Variants in CCDC3 observed in about 807,000 individuals in gnomAD.
CCDC3 encodes the protein coiled-coil domain containing 3.
Under a neutral mutation model 21.4 loss-of-function variants are expected in CCDC3, and 24 were observed. That is an observed-to-expected ratio of 1.12 (90% confidence interval 0.81 to 1.58). CCDC3 has a LOEUF of 1.58. Among genes scored for constraint, CCDC3 ranks in the 40% most tolerant of loss-of-function variants. The pLI, the probability that CCDC3 is intolerant of heterozygous loss-of-function variation, is 0.00. For synonymous variants in CCDC3, 186 were observed against 166.0 expected (o/e 1.12, Z -0.93); for missense variants, 425 against 360.9 (o/e 1.18, Z -1.44).
intron 5 of CCDC3, among the ~76,000 whole-genome samples, chr10:13,009,318 C>T (rs1835959368): frequency 6.6e-6 from 1 of 151,984 alleles, no homozygotes. Context: ...TTGGGAGACT[C>T]AATATTGTTA....
At chr10:12,984,073 C>G (rs968674249) in intron 2 of CCDC3, among the ~76,000 whole-genome samples, 4 of 152,086 alleles carry the variant, frequency 2.6e-5, no homozygotes, top group African/African-American at 9.7e-5. Flanking sequence ...GAGCAAGACT[C>G]TCTCAAAAAA....
Position 13,026,985 on chromosome 10 carries a change from C to T in CCDC3, c.-2+22689G>A, listed in dbSNP as rs143235028. ...AATTTCCTTTCCTTTCACATATCTT[C>T]ATAAGCAATTAAGCAAAGGATACCC... On this transcript the variant is annotated intron_variant, in intron 5 of 6. Transcript: ENST00000378839. Among the ~76,000 whole-genome samples the T allele has an allele frequency of 6.3e-3, 952 of 152,298 alleles. 32 individuals are homozygous for T. Among genetic ancestry groups the T allele is most frequent in the Admixed American group, 0.056 (860 of 15,294 alleles).
intron 5 of CCDC3, among the ~76,000 whole-genome samples, chr10:13,030,642 G>A (rs1836287525): frequency 6.6e-6 from 1 of 152,030 alleles, no homozygotes; most frequent in Non-Finnish European, 1.5e-5. Context: ...AAGGGATGGA[G>A]GAAGATCTAC....
intron 5 of CCDC3, among the ~76,000 whole-genome samples, chr10:13,044,463 T>C (rs1441166796): frequency 2.6e-5 from 4 of 152,228 alleles, no homozygotes; most frequent in Non-Finnish European, 4.4e-5. Context: ...GGTTTTCTTC[T>C]AGGACTTTTC....
intron 2 of CCDC3, among the ~76,000 whole-genome samples, chr10:12,909,282 C>T (rs1834227002): frequency 6.6e-6 from 1 of 152,210 alleles, no homozygotes; most frequent in Non-Finnish European, 1.5e-5. Flanking sequence ...TGGCCACTGA[C>T]CATCGGCCCT....
chr10:12,942,785 A>T (rs917039118), intron 2 of CCDC3, among the ~76,000 whole-genome samples: 5 of 152,134 alleles, frequency 3.3e-5, no homozygotes, highest in African/African-American at 9.7e-5. Context: ...TCACCACAGA[A>T]TCAGATGACC....
intron 5 of CCDC3, among the ~76,000 whole-genome samples, chr10:13,012,307 T>C (rs758084173): frequency 9.2e-5 from 14 of 152,138 alleles, no homozygotes; most frequent in Non-Finnish European, 2.1e-4. Flanking sequence ...AATAAAGGTC[T>C]AATATCCAGA....
intron 2 of CCDC3, among the ~76,000 whole-genome samples, chr10:12,930,825 T>C (rs1834627485): frequency 6.6e-6 from 1 of 152,082 alleles, no homozygotes; most frequent in East Asian, 1.9e-4. Flanking sequence ...AGAAGCCCCA[T>C]TCTAGGGTAC....
At chr10:12,989,710 C>A (rs1409458175) in intron 2 of CCDC3, among the ~76,000 whole-genome samples, 3 of 152,190 alleles carry the variant, frequency 2.0e-5, no homozygotes, top group Non-Finnish European at 4.4e-5. Context: ...GCGTGAGCCA[C>A]TGCACCTGGC....
At chr10:12,951,283 G>A (rs1835004382) in intron 2 of CCDC3, among the ~76,000 whole-genome samples, 1 of 152,140 alleles carries the variant, frequency 6.6e-6, no homozygotes, top group African/African-American at 2.4e-5. Context: ...GGCTGAAGCA[G>A]TAGGCCAAGC....
rs3029972 is a variant in CCDC3 at position 13,055,498 on chromosome 10, T to TAAA, written c.-269-5560_-269-5558dup. 4.6e-4 allele frequency among the ~76,000 whole-genome samples: 68 copies of TAAA among 149,376 alleles called. 1 individual carries two copies. Among genetic ancestry groups the TAAA allele is most frequent in the Admixed American group, 9.3e-4 (14 of 15,050 alleles). ...GCATGCACCACCATACCTGGTTAAT[T>TAAA]AAAAAAAAAATTGTAGAGACAGGGC... On this transcript the variant is annotated intron_variant, in intron 4 of 6. Transcript: ENST00000378839.
upstream of CCDC3, among the ~76,000 whole-genome samples, chr10:13,003,890 T>C (rs903587419): frequency 3.9e-5 from 6 of 152,202 alleles, no homozygotes; most frequent in Admixed American, 1.3e-4. Flanking sequence ...CAAGAAATCG[T>C]CCTCATGGAT....
rs149206812 is a variant in CCDC3 at position 13,076,082 on chromosome 10, C to A, written c.-502-1982G>T. Among the ~76,000 whole-genome samples, 625 of 151,740 alleles carry A rather than the reference C, an allele frequency of 4.1e-3. 6 individuals carry two copies. The highest frequency in any genetic ancestry group is 0.015 in the African/African-American group (610 of 41,382). On this transcript the variant is annotated intron_variant, in intron 3 of 6. Coordinates refer to the CCDC3 transcript ENST00000378839. ...ATCTTAAAACAAGCAAACAAAAAAA[C>A]CTAAAATAATAGGGAAGCAGGTATC...
chr10:12,912,264 T>C (rs1011873093), intron 2 of CCDC3, among the ~76,000 whole-genome samples: 2 of 152,198 alleles, frequency 1.3e-5, no homozygotes, highest in Admixed American at 1.3e-4. Flanking sequence ...AAGGGTTCCC[T>C]TTACTCCACA....
At chr10:12,965,420 T>C (rs915577113) in intron 2 of CCDC3, among the ~76,000 whole-genome samples, 85 of 152,186 alleles carry the variant, frequency 5.6e-4, no homozygotes, top group Admixed American at 1.3e-4. Context: ...TTATAAATTA[T>C]ATGTACTTAT....
chr10:12,900,865 G>A (rs1384051271), intron 2 of CCDC3, among the ~76,000 whole-genome samples: 3 of 152,064 alleles, frequency 2.0e-5, no homozygotes, highest in Non-Finnish European at 4.4e-5. Flanking sequence ...CAGAGTAGTG[G>A]ACTCTGGTCT....
rs1834007807 is a variant in CCDC3 at position 12,896,741 on chromosome 10, T to G, written c.*1675A>C. On this transcript the variant is annotated 3_prime_UTR_variant, in exon 3 of 3. Transcript: ENST00000378825. ...TGTACATTACCCTTAGGCTGACCAT[T>G]CCCTTGCGGGGGCGCAAAACTGCTT... is the stretch of plus-strand genomic sequence containing the variant. 1 of 152,750 alleles carries G rather than the reference T, an allele frequency of 6.5e-6. No homozygotes were observed. The highest frequency in any genetic ancestry group is 1.5e-5 in the Non-Finnish European group (1 of 68,108). 9.5% of individuals were successfully genotyped at this position (152,750 alleles called of 1,614,324 possible).
intron 5 of CCDC3, among the ~76,000 whole-genome samples, chr10:13,047,456 G>T (rs1363490119): frequency 6.6e-6 from 1 of 152,142 alleles, no homozygotes; most frequent in Non-Finnish European, 1.5e-5. Context: ...AGGACAAAAA[G>T]TTTGGGGAAA....
At chr10:12,960,712 C>G (rs1835167884) in intron 2 of CCDC3, among the ~76,000 whole-genome samples, 1 of 152,088 alleles carries the variant, frequency 6.6e-6, no homozygotes, top group African/African-American at 2.4e-5. Flanking sequence ...GCTGCGGGAC[C>G]CTCCCTTAGA....
Sources: gnomAD v4.1 joint callset for allele counts (sites outside exome capture counted in the v4.1 genomes callset) on GRCh38, gnomAD v4.1.1 for gene constraint, MANE v1.5 for transcripts, NCBI Gene and HGNC (gene_info 2026-07-23, HGNC 2026-07-21) for gene names.